Variants in LARGE1 observed in about 807,000 individuals in gnomAD.
The protein encoded by LARGE1 is LARGE xylosyl- and glucuronyltransferase 1.
A neutral mutation model predicts 87.6 loss-of-function variants in LARGE1; 43 were observed. The observed-to-expected ratio is 0.49, with a 90% CI of 0.38 to 0.63. The LOEUF (loss-of-function observed/expected upper bound fraction) is 0.63. LARGE1 is among the 30% of genes least tolerant of loss of function. LARGE1 has a pLI of 0.00. For synonymous variants in LARGE1, 434 were observed against 394.6 expected, an observed-to-expected ratio of 1.10 and a Z score of -1.18; for missense variants, 802 against 1,000.2, an observed-to-expected ratio of 0.80 and a Z score of 2.67.
intron 11 of LARGE1, among the ~76,000 whole-genome samples, chr22:33,196,497 G>A (rs1246667892): frequency 6.6e-6 from 1 of 152,040 alleles, no homozygotes; most frequent in Non-Finnish European, 1.5e-5. Context: ...AATAAAATTT[G>A]TAATTAAAAA....
chr22:33,141,516 A>G, the LARGE1 span, among the ~76,000 whole-genome samples: 3,994 of 152,146 alleles, frequency 0.026, 176 homozygotes, highest in African/African-American at 0.091. Flanking sequence ...ACAGTTATAT[A>G]CGTATAAAAT....
At chr22:33,536,858 C>A (rs531882744) in intron 6 of LARGE1, among the ~76,000 whole-genome samples, 3 of 152,316 alleles carry the variant, frequency 2.0e-5, no homozygotes, top group African/African-American at 7.2e-5. Flanking sequence ...GTTGCCCAGG[C>A]CGGAGTGCGA....
intron 2 of LARGE1, among the ~76,000 whole-genome samples, chr22:33,719,724 A>G (rs900710197): frequency 6.6e-5 from 10 of 151,922 alleles, no homozygotes; most frequent in South Asian, 2.1e-4. Flanking sequence ...GTTTCACCAT[A>G]TTAGCCAGGA....
chr22:33,341,866 A>G (rs961402542), intron 9 of LARGE1, among the ~76,000 whole-genome samples: 4 of 152,306 alleles, frequency 2.6e-5, no homozygotes, highest in Admixed American at 6.5e-5. Flanking sequence ...GAGTGGTTCC[A>G]TAAGTGTGGG....
rs543486760 is a variant in LARGE1, at chr22:33,701,312, A to G, written c.107-50644T>C. Among the ~76,000 whole-genome samples, 23 of 152,348 alleles carry G rather than the reference A, an allele frequency of 1.5e-4. 2 individuals are homozygous for G. Among genetic ancestry groups the G allele is most frequent in the African/African-American group, 3.1e-4 (13 of 41,584 alleles). ...TGGAGGCCAAAAGTTTTCATAAAGC[A>G]AAGGTGGAATGTGGACTTCTGCAGA... On this transcript the variant is annotated intron_variant, in intron 2 of 14. Coordinates refer to ENST00000397394, the MANE Select transcript of LARGE1 (RefSeq NM_133642.5).
intron 5 of LARGE1, among the ~76,000 whole-genome samples, chr22:33,584,487 G>A (rs1314331851): frequency 6.6e-6 from 1 of 152,156 alleles, no homozygotes; most frequent in African/African-American, 2.4e-5. Context: ...CTAAATTCTT[G>A]GAGAAGACAT....
At chr22:33,118,049 C>A in the LARGE1 span, among the ~76,000 whole-genome samples, 1 of 152,072 alleles carries the variant, frequency 6.6e-6, no homozygotes. Context: ...TGAGGATGCA[C>A]CAAGGCAGAG....
intron 5 of LARGE1, among the ~76,000 whole-genome samples, chr22:33,573,859 T>C (rs2078277543): frequency 6.6e-6 from 1 of 152,142 alleles, no homozygotes; most frequent in Non-Finnish European, 1.5e-5. Context: ...TGCCCGGCAG[T>C]TGATGCCAGC....
At chr22:33,109,476 C>T in the LARGE1 span, among the ~76,000 whole-genome samples, 3 of 152,078 alleles carry the variant, frequency 2.0e-5, no homozygotes, top group Admixed American at 2.0e-4. Flanking sequence ...CAGGCATGCA[C>T]CACCATGCCT....
rs568166308 is a variant in LARGE1 at position 33,384,424 on chromosome 22, G to A, written c.893-120C>T. 1.8e-3 allele frequency: 1,358 copies of A among 759,158 alleles called. 3 individuals carry two copies. Among genetic ancestry groups the A allele is most frequent in the Non-Finnish European group, 2.7e-3 (1,161 of 437,672 alleles). 47.0% of individuals were successfully genotyped at this position (759,158 alleles called of 1,614,324 possible). A position where few individuals can be genotyped will look rare whatever the true frequency, so the allele number is the denominator to read the frequency against. ...GATGATTGTCTTATGCAGACAAGAG[G>A]CCTATGCACTGCTGCAGATGAGTCT... is the stretch of plus-strand genomic sequence containing the variant. On this transcript the variant is annotated intron_variant, in intron 7 of 14. Coordinates refer to ENST00000397394, the MANE Select transcript of LARGE1 (RefSeq NM_133642.5).
At chr22:33,284,784 G>GC (rs1238269382) in intron 12 of LARGE1, among the ~76,000 whole-genome samples, 1 of 152,112 alleles carries the variant, frequency 6.6e-6, no homozygotes, top group Non-Finnish European at 1.5e-5. Flanking sequence ...CACCGTGTTG[G>GC]CAGGATGGTC....
At chr22:33,369,774 G>A (rs984513285) in intron 9 of LARGE1, among the ~76,000 whole-genome samples, 3 of 151,978 alleles carry the variant, frequency 2.0e-5, no homozygotes, top group African/African-American at 7.2e-5. Flanking sequence ...TCACCATGTT[G>A]GCCAAGCTGG....
chr22:33,310,536 G>C (rs1028931472), intron 11 of LARGE1, among the ~76,000 whole-genome samples: 1 of 152,164 alleles, frequency 6.6e-6, no homozygotes, highest in African/African-American at 2.4e-5. Flanking sequence ...GAATTCCAGA[G>C]GGAGCTGCGT....
chr22:33,167,270 G>C (rs908754252), intron 11 of LARGE1, among the ~76,000 whole-genome samples: 3 of 152,156 alleles, frequency 2.0e-5, no homozygotes, highest in African/African-American at 7.2e-5. Context: ...TACTAAAAAA[G>C]TCTTAATTAT....
intron 7 of LARGE1, among the ~76,000 whole-genome samples, chr22:33,419,980 CA>C (rs888918076): frequency 2.6e-5 from 4 of 152,134 alleles, no homozygotes; most frequent in Non-Finnish European, 5.9e-5. Flanking sequence ...AGGCATGAGC[CA>C]CTGCACCTGA....
intron 1 of LARGE1, among the ~76,000 whole-genome samples, chr22:33,782,994 G>A (rs888937177): frequency 1.1e-4 from 17 of 151,790 alleles, no homozygotes; most frequent in Non-Finnish European, 2.4e-4. Context: ...ATACACTACA[G>A]TGCTTCGGCC....
At chr22:33,439,793 TCTC>T (rs1356681748) in intron 6 of LARGE1, among the ~76,000 whole-genome samples, 7 of 152,066 alleles carry the variant, frequency 4.6e-5, no homozygotes, top group Non-Finnish European at 1.0e-4. Flanking sequence ...TCCACAATCT[TCTC>T]CTCCTACAAA....
intron 1 of LARGE1, among the ~76,000 whole-genome samples, chr22:33,863,347 T>C (rs1411463052): frequency 6.6e-6 from 1 of 152,202 alleles, no homozygotes; most frequent in African/African-American, 2.4e-5. Flanking sequence ...GTCCCTGCCG[T>C]CTCGGCTTGC....
At position 33,434,880 on chromosome 22, in the gene LARGE1, A is replaced by C. The variant is rs1021308590; in HGVS notation, c.788-2615T>G. ...CCCACCCACAATCCTTTCAAGGTCC[A>C]TCTCCAGCATGAAGCCTTTTATGAA... On this transcript the variant is annotated intron_variant, in intron 6 of 14. Coordinates refer to ENST00000397394, the MANE Select transcript of LARGE1 (RefSeq NM_133642.5). Among the ~76,000 whole-genome samples, 8 of 152,128 alleles carry C rather than the reference A, an allele frequency of 5.3e-5. No individual in the cohort carries two copies. In the East Asian group the frequency reaches 1.2e-3, roughly 22 times the overall value.
Sources: allele counts gnomAD v4.1 joint callset (sites outside exome capture counted in the v4.1 genomes callset), GRCh38; gene constraint gnomAD v4.1.1; transcripts MANE v1.5; gene names NCBI Gene and HGNC (gene_info 2026-07-23, HGNC 2026-07-21).